Variants in PPP2R5E observed in about 807,000 individuals in gnomAD.
The protein encoded by PPP2R5E is protein phosphatase 2 regulatory subunit B'epsilon.
A neutral mutation model predicts 65.3 loss-of-function variants in PPP2R5E; 4 were observed. The observed-to-expected ratio is 0.06, with a 90% CI of 0.03 to 0.14. The LOEUF is 0.14. Among genes scored for constraint, PPP2R5E ranks in the 10% least tolerant of loss-of-function variants. The pLI, the probability that PPP2R5E is intolerant of heterozygous loss-of-function variation, is 1.00. For missense variants in PPP2R5E, 274 were observed against 556.1 expected, an observed-to-expected ratio of 0.49 and a Z score of 5.10; for synonymous variants, 183 against 187.4, an observed-to-expected ratio of 0.98 and a Z score of 0.19.
chr14:63,421,435 T>C (rs1887018350), intron 4 of PPP2R5E, among the ~76,000 whole-genome samples: 2 of 152,190 alleles, frequency 1.3e-5, no homozygotes, highest in Non-Finnish European at 2.9e-5. Flanking sequence ...CACATAAGTG[T>C]GATTGGAAAA....
At chr14:63,538,914 A>AT (rs1566770400) in intron 2 of PPP2R5E, among the ~76,000 whole-genome samples, 1 of 151,966 alleles carries the variant, frequency 6.6e-6, no homozygotes, top group Non-Finnish European at 1.5e-5. Context: ...ACAGAGGGAG[A>AT]CTCTATCTCA....
intron 2 of PPP2R5E, among the ~76,000 whole-genome samples, chr14:63,504,272 C>T (rs1275789722): frequency 6.6e-6 from 1 of 151,554 alleles, no homozygotes; most frequent in Non-Finnish European, 1.5e-5. Flanking sequence ...AAAACAAAAA[C>T]AAAAAAAACC....
chr14:63,421,987 A>G lies in PPP2R5E; in HGVS notation c.456+6T>C, dbSNP rs1165793104. ...TTCTTTTATAACAAATGGTATTTCA[A>G]AGTACCTGTAAGTGTGGCCACGATG... On this transcript the variant is annotated splice_donor_region_variant and intron_variant, in intron 4 of 13. Coordinates refer to ENST00000337537, the MANE Select transcript of PPP2R5E (RefSeq NM_006246.5). 1 of 1,591,146 alleles carries G rather than the reference A, an allele frequency of 6.3e-7. No individual in the cohort carries two copies. Among genetic ancestry groups the G allele is most frequent in the Non-Finnish European group, 8.6e-7 (1 of 1,159,416 alleles).
At chr14:63,530,630 CTTTT>C (rs954359159) in intron 2 of PPP2R5E, among the ~76,000 whole-genome samples, 1 of 81,294 alleles carries the variant, frequency 1.2e-5, no homozygotes, top group Non-Finnish European at 2.3e-5. Flanking sequence ...CTCTCAATTT[CTTTT>C]TTTTTTTTTT....
chr14:63,439,115 C>T (rs750203308), intron 3 of PPP2R5E, among the ~76,000 whole-genome samples: 16 of 151,970 alleles, frequency 1.1e-4, no homozygotes, highest in Non-Finnish European at 2.1e-4. Flanking sequence ...TCATTGTAAC[C>T]AGAAAAATGT....
At chr14:63,410,130 A>T (rs964086162) in intron 5 of PPP2R5E, among the ~76,000 whole-genome samples, 1 of 152,258 alleles carries the variant, frequency 6.6e-6, no homozygotes, top group African/African-American at 2.4e-5. Context: ...ACAGAAAATA[A>T]GTTGAAATCT....
chr14:63,433,041 T>G (rs991420295), intron 3 of PPP2R5E, among the ~76,000 whole-genome samples: 2 of 141,226 alleles, frequency 1.4e-5, no homozygotes, highest in Non-Finnish European at 3.1e-5. Context: ...TGTTTTTTTT[T>G]TTTTTTTTTT....
In PPP2R5E at chr14:63,502,640, C is replaced by A. The variant is rs764627639; in HGVS notation, c.157+36889G>T. Among the ~76,000 whole-genome samples the A allele has an allele frequency of 1.6e-4, 25 of 152,096 alleles. 1 individual carries two copies. The highest frequency in any genetic ancestry group is 6.8e-3 in the Middle Eastern group (2 of 294). On this transcript the variant is annotated intron_variant, in intron 2 of 13. Transcript: ENST00000337537. ...TGAGATCATGCCACTGCACTCAAGT[C>A]TGGGTGACAGAGCAAGACTCCATCT...
chr14:63,420,823 C>T (rs1003730849), intron 4 of PPP2R5E, among the ~76,000 whole-genome samples: 1 of 100,856 alleles, frequency 9.9e-6, no homozygotes, highest in East Asian at 3.3e-4. Flanking sequence ...GAGGCCGAGG[C>T]GGGCGGATCA....
intron 2 of PPP2R5E, among the ~76,000 whole-genome samples, chr14:63,462,304 T>A (rs1007892009): frequency 6.6e-6 from 1 of 152,102 alleles, no homozygotes; most frequent in African/African-American, 2.4e-5. Flanking sequence ...TCTCCTGACT[T>A]CATGATCCGC....
At chr14:63,378,635 T>C (rs1162936745) in intron 13 of PPP2R5E, among the ~76,000 whole-genome samples, 4 of 152,318 alleles carry the variant, frequency 2.6e-5, no homozygotes, top group Non-Finnish European at 4.4e-5. Context: ...ACAGTTATTG[T>C]CACCCCCAAT....
At chr14:63,483,115 G>A (rs1477764521) in intron 2 of PPP2R5E, among the ~76,000 whole-genome samples, 6 of 151,816 alleles carry the variant, frequency 4.0e-5, no homozygotes, top group Admixed American at 3.9e-4. Flanking sequence ...GACCAGCCTG[G>A]GCAACATAGC....
intron 13 of PPP2R5E, among the ~76,000 whole-genome samples, chr14:63,379,824 CTCT>C (rs1308111603): frequency 5.2e-5 from 6 of 115,970 alleles, no homozygotes; most frequent in African/African-American, 3.6e-4. Context: ...AATATTCTCT[CTCT>C]TTTTTTTTTT....
At chr14:63,461,543 C>G (rs1323991139) in intron 2 of PPP2R5E, among the ~76,000 whole-genome samples, 2 of 151,918 alleles carry the variant, frequency 1.3e-5, no homozygotes, top group African/African-American at 4.8e-5. Context: ...CACCCAAAAT[C>G]CCAGCACTTT....
At chr14:63,486,557 G>T (rs543613161) in intron 2 of PPP2R5E, among the ~76,000 whole-genome samples, 1 of 151,580 alleles carries the variant, frequency 6.6e-6, no homozygotes, top group Non-Finnish European at 1.5e-5. Flanking sequence ...CATCACAAGT[G>T]TTTACCAATA....
intron 5 of PPP2R5E, among the ~76,000 whole-genome samples, chr14:63,412,749 C>A (rs1886464087): frequency 6.6e-6 from 1 of 152,166 alleles, no homozygotes; most frequent in Admixed American, 6.5e-5. Flanking sequence ...CTGGGGATAA[C>A]TGAATGAAGA....
intron 1 of PPP2R5E, 119 bp from the exon 2 acceptor site, chr14:63,539,811 G>A: frequency 9.1e-7 from 1 of 1,092,898 alleles, no homozygotes; most frequent in Non-Finnish European, 1.3e-6. Context: ...ATGTGCTAAA[G>A]AAAATAAAAT....
rs749030141 is a variant in PPP2R5E at position 63,384,416 on chromosome 14, G to C, written c.1202+28C>G. The C allele has an allele frequency of 6.9e-6, 11 of 1,601,092 alleles. No individual in the cohort carries two copies. In the South Asian group the frequency reaches 1.2e-4, roughly 18 times the overall value. On this transcript the variant is annotated intron_variant, in intron 12 of 13. Coordinates refer to ENST00000337537, the MANE Select transcript of PPP2R5E (RefSeq NM_006246.5). The stretch of plus-strand genomic sequence containing the variant: ...AAAGAAAGAGAGGAAGGGAGGAAGA[G>C]AACGGAGGAAAGAAACTGAAAACCT...
At chr14:63,485,502 C>T (rs112135302) in intron 2 of PPP2R5E, among the ~76,000 whole-genome samples, 3,390 of 152,280 alleles carry the variant, frequency 0.022, 74 homozygotes, top group African/African-American at 0.061. Flanking sequence ...ACAACCTCTG[C>T]CTCCCAGGTT....
Sources: allele counts gnomAD v4.1 joint callset (sites outside exome capture counted in the v4.1 genomes callset), GRCh38; gene constraint gnomAD v4.1.1; transcripts MANE v1.5; gene names NCBI Gene and HGNC (gene_info 2026-07-23, HGNC 2026-07-21).